IWS1: variants seen among roughly 807,000 people sequenced by gnomAD.
IWS1 encodes the protein interacts with SUPT6H, CTD assembly factor 1, also known as protein IWS1 homolog.
In IWS1, 27 loss-of-function variants were observed where a neutral mutation model predicts 86.7. The observed-to-expected ratio is 0.31, with a 90% confidence interval of 0.23 to 0.43. The LOEUF is 0.43. IWS1 is among the 20% of genes least tolerant of loss of function. IWS1 has a pLI of 1.00. For synonymous variants in IWS1, 313 were observed against 335.1 expected (o/e 0.93, Z 0.72); for missense variants, 827 against 1,000.8 (o/e 0.83, Z 2.34).
At chr2:127,483,574 G>C (rs1349918014) in intron 13 of IWS1, among the ~76,000 whole-genome samples, 4 of 47,002 alleles carry the variant, frequency 8.5e-5, no homozygotes, top group Admixed American at 2.8e-4. Context: ...ATTTGGTCGG[G>C]GCGGGGGGTG....
At position 127,481,302 on chromosome 2, in the gene IWS1, T is replaced by A. The variant is rs1442310332; in HGVS notation, c.2329-127A>T. ...AGCTCTGGAATAACCAGAATGTGTG[T>A]TGATGACCTCAAGAACAACAAAGCA... On this transcript the variant is annotated intron_variant, in intron 13 of 13. Transcript: ENST00000295321. 6.4e-6 allele frequency: 5 copies of A among 782,566 alleles called. No individual in the cohort carries two copies. The East Asian group carries it at 1.4e-4, about 22-fold the overall frequency. 48.5% of individuals were successfully genotyped at this position (782,566 alleles called of 1,614,324 possible). A position where few individuals can be genotyped will look rare whatever the true frequency, so the allele number is the denominator to read the frequency against.
At chr2:127,510,064 T>G (rs1395238317) in intron 2 of IWS1, among the ~76,000 whole-genome samples, 1 of 152,244 alleles carries the variant, frequency 6.6e-6, no homozygotes, top group African/African-American at 2.4e-5. Flanking sequence ...TACTTGATGT[T>G]GCATACTACT....
rs1690432264 is a variant in IWS1 at position 127,494,882 on chromosome 2, G to A, written c.1789C>T (p.His597Tyr). ...AAACAAAATACTTACTTCTTAAGGT[G>A]CATAACTACAGCAGGCAGTAAAGTT... ...KLTLLPAVVM[H>Y]LKKQDLKETF... The change falls in exon 8 of 14, where the codon CAC (histidine) becomes TAC (tyrosine). Residue 597 changes from histidine to tyrosine, a missense_variant. Coordinates refer to ENST00000295321, the MANE Select transcript of IWS1 (RefSeq NM_017969.3). 1.9e-6 allele frequency: 3 copies of A among 1,587,352 alleles called. No homozygotes were observed. The highest frequency in any genetic ancestry group is 3.4e-5 in the Admixed American group (2 of 58,242).
chr2:127,485,579 G>T (rs890561145), intron 13 of IWS1, among the ~76,000 whole-genome samples: 1 of 152,072 alleles, frequency 6.6e-6, no homozygotes, highest in Non-Finnish European at 1.5e-5. Context: ...CTGTAATTCT[G>T]GGTCCTAACA....
chr2:127,523,209 C>CA lies in IWS1; in HGVS notation c.150+466dup, dbSNP rs1467474543. Among the ~76,000 whole-genome samples the CA allele has an allele frequency of 8.3e-3, 1,198 of 144,980 alleles. 20 individuals are homozygous for CA. Among genetic ancestry groups the CA allele is most frequent in the African/African-American group, 0.028 (1,126 of 39,538 alleles). On this transcript the variant is annotated intron_variant, in intron 2 of 13. Transcript: ENST00000295321. ...TGTGTTACAGAGTCAGACCCTGTCTCAAAAAAAAAAGCATTATTATTACAT... is the reference window on the plus strand; with the variant it reads ...TGTGTTACAGAGTCAGACCCTGTCTCAAAAAAAAAAAGCATTATTATTACAT...
chr2:127,506,168 G>GA (rs2104706729), intron 2 of IWS1, among the ~76,000 whole-genome samples: 1 of 152,264 alleles, frequency 6.6e-6, no homozygotes, highest in East Asian at 1.9e-4. Context: ...AGGAGTTCGA[G>GA]ACCAGCCCGG....
At chr2:127,496,554 C>A (rs544266875) in intron 6 of IWS1, among the ~76,000 whole-genome samples, 1 of 137,754 alleles carries the variant, frequency 7.3e-6, no homozygotes, top group Admixed American at 6.8e-5. Flanking sequence ...TTATCATACA[C>A]ACACACACAC....
At chr2:127,490,199 T>C (rs1690152030) in intron 10 of IWS1, among the ~76,000 whole-genome samples, 1 of 152,254 alleles carries the variant, frequency 6.6e-6, no homozygotes, top group Non-Finnish European at 1.5e-5. Flanking sequence ...TACACTTTAA[T>C]AGTCAACAAT....
In IWS1 at chr2:127,515,736, A is replaced by G. The variant is rs529621376; in HGVS notation, c.150+7940T>C. Among the ~76,000 whole-genome samples the G allele has an allele frequency of 5.9e-5, 9 of 152,302 alleles. 1 individual carries two copies. In the South Asian group the frequency reaches 1.9e-3, roughly 32 times the overall value. The stretch of plus-strand genomic sequence containing the variant: ...AACGCCTACACAAATTCCACAAGAG[A>G]GATTACTTGAACCAAGATCAATCCC... On this transcript the variant is annotated intron_variant, in intron 2 of 13. Coordinates refer to ENST00000295321, the MANE Select transcript of IWS1 (RefSeq NM_017969.3).
intron 1 of IWS1, among the ~76,000 whole-genome samples, chr2:127,525,912 A>G (rs1038826420): frequency 5.3e-5 from 8 of 152,238 alleles, no homozygotes; most frequent in African/African-American, 1.9e-4. Flanking sequence ...TGCACACAAT[A>G]GGAGCTTAAC....
chr2:127,514,023 G>C (rs182976051), intron 2 of IWS1, among the ~76,000 whole-genome samples: 1 of 152,186 alleles, frequency 6.6e-6, no homozygotes, highest in South Asian at 2.1e-4. Context: ...ACCGGAATGA[G>C]AACCTTTATT....
intron 2 of IWS1, among the ~76,000 whole-genome samples, chr2:127,515,493 T>C (rs1344878160): frequency 1.3e-5 from 2 of 152,068 alleles, no homozygotes; most frequent in African/African-American, 2.4e-5. Context: ...CCAATACAGA[T>C]TGCGCTAACA....
upstream of IWS1, chr2:127,526,872 T>C (rs776204927): frequency 1.1e-4 from 42 of 368,170 alleles, no homozygotes; most frequent in Non-Finnish European, 1.8e-4. Context: ...CGTTGCTCAC[T>C]GGGACTTGTA....
At chr2:127,496,584 C>T (rs991244090) in intron 6 of IWS1, among the ~76,000 whole-genome samples, 20 of 150,062 alleles carry the variant, frequency 1.3e-4, no homozygotes, top group African/African-American at 4.7e-4. Context: ...CACACACACA[C>T]ATTTTTTAAA....
chr2:127,518,443 G>A (rs1328574047), intron 2 of IWS1, among the ~76,000 whole-genome samples: 1 of 152,100 alleles, frequency 6.6e-6, no homozygotes, highest in Non-Finnish European at 1.5e-5. Flanking sequence ...AAGCGTGGGA[G>A]GTTGAGGCTG....
At chr2:127,518,084 G>A (rs1003264237) in intron 2 of IWS1, among the ~76,000 whole-genome samples, 2 of 152,212 alleles carry the variant, frequency 1.3e-5, no homozygotes, top group African/African-American at 4.8e-5. Context: ...AAGGGAAGAG[G>A]AGGTTAGAAA....
intron 6 of IWS1, among the ~76,000 whole-genome samples, chr2:127,496,817 A>T (rs538041734): frequency 5.3e-4 from 80 of 152,092 alleles, no homozygotes; most frequent in Non-Finnish European, 1.0e-3. Context: ...GCCTCAAGTG[A>T]TCCCCCTGCC....
Position 127,505,492 on chromosome 2 carries a change from T to C in IWS1, c.411A>G (p.Glu137=), listed in dbSNP as rs1691087840. The stretch of plus-strand genomic sequence containing the variant: ...AGTCACTTGCATGCCCATTAAGAAG[T>C]TCCTCATTTTCAGAGTCACTACCAG... The part of the protein sequence containing the change: ...KLPGSDSENE[E]LLNGHASDSE... Residue 137 remains glutamate, a synonymous_variant, in exon 3 of 14, where the codon GAA becomes GAG. Coordinates refer to ENST00000295321, the MANE Select transcript of IWS1 (RefSeq NM_017969.3). The surrounding 1 kb of genome is among the most constrained non-coding windows in gnomAD (Gnocchi z 5.0). 3 of 1,614,024 alleles carry C rather than the reference T, an allele frequency of 1.9e-6. No homozygotes were observed. In the East Asian group the frequency reaches 6.7e-5, roughly 36 times the overall value.
chr2:127,526,189 C>T lies in IWS1; in HGVS notation c.20G>A (p.Ser7Asn). The change falls in exon 1 of 14, where the codon AGC (serine) becomes AAC (asparagine). Residue 7 changes from serine to asparagine, a missense_variant. Physicochemically the swap from Ser to Asn is conservative, Grantham distance 46. Coordinates refer to ENST00000295321, the MANE Select transcript of IWS1 (RefSeq NM_017969.3). MDSEYY[S>N]GDQSDDGGAT... ...CCCTGCCCCACCTGACTGGTCGCCGCTGTAATATTCCGAGTCCATGGCAGG... is the reference window on the plus strand; with the variant it reads ...CCCTGCCCCACCTGACTGGTCGCCGTTGTAATATTCCGAGTCCATGGCAGG... The T allele has an allele frequency of 6.3e-7, 1 of 1,597,328 alleles. No homozygotes were observed.
Sources: allele counts gnomAD v4.1 joint callset (sites outside exome capture counted in the v4.1 genomes callset), GRCh38; gene constraint gnomAD v4.1.1; non-coding constraint Gnocchi (gnomAD v3.1); transcripts MANE v1.5; gene names NCBI Gene and HGNC (gene_info 2026-07-23, HGNC 2026-07-21).